The following SLC39A14 variants were observed in gnomAD, a reference collection of about 807,000 sequenced individuals.
The protein encoded by SLC39A14 is solute carrier family 39 member 14, also known as metal cation symporter ZIP14.
In SLC39A14, 19 loss-of-function variants were observed where a neutral mutation model predicts 45.5. The observed-to-expected ratio is 0.42, with a 90% CI of 0.29 to 0.61. SLC39A14 has a LOEUF of 0.61. Ranked by LOEUF, SLC39A14 falls within the 20% of genes least tolerant of loss-of-function variation. The pLI is 0.22. For missense variants in SLC39A14, 447 were observed against 616.5 expected (o/e 0.73, Z 2.91); for synonymous variants, 264 against 251.3 (o/e 1.05, Z -0.48).
intron 2 of SLC39A14, among the ~76,000 whole-genome samples, chr8:22,405,782 G>GCAGAGA (rs2132313935): frequency 6.6e-6 from 1 of 152,026 alleles, no homozygotes; most frequent in African/African-American, 2.4e-5. Flanking sequence ...GGGCTGGAAC[G>GCAGAGA]CCAGGTCTTT....
intron 1 of SLC39A14, among the ~76,000 whole-genome samples, chr8:22,384,742 C>CT (rs1833694636): frequency 3.6e-5 from 2 of 56,184 alleles, no homozygotes; most frequent in Admixed American, 2.0e-4. Context: ...GTGAGACTGT[C>CT]TTAAAAAAAA....
Position 22,422,630 on chromosome 8 carries a change from A to C in SLC39A14, c.*2932A>C. On this transcript the variant is annotated 3_prime_UTR_variant, in exon 9 of 9. Coordinates refer to ENST00000381237, the MANE Select transcript of SLC39A14 (RefSeq NM_001128431.4). ...AAGAAAATTAACTTATGTGGACTGT[A>C]AATGTTTTATTTGTAAGATTCTATA... The C allele has an allele frequency of 1.0e-6, 1 of 982,358 alleles. No homozygotes were observed. Among genetic ancestry groups the C allele is most frequent in the Non-Finnish European group, 1.2e-6 (1 of 827,014 alleles). 60.9% of individuals were successfully genotyped at this position (982,358 alleles called of 1,614,324 possible).
chr8:22,410,010 C>A (rs1336569142), intron 3 of SLC39A14: 19 of 1,614,052 alleles, frequency 1.2e-5, no homozygotes, highest in Non-Finnish European at 1.6e-5. Flanking sequence ...GAGTCCTCGT[C>A]CTGCCCTGCA....
At chr8:22,422,839 T>C (rs576560029), downstream of SLC39A14, 62 of 431,760 alleles carry the variant, frequency 1.4e-4, no homozygotes, top group African/African-American at 1.2e-3. Flanking sequence ...GTTGTTGTTA[T>C]TGAGACAGAG....
chr8:22,388,883 A>C (rs375971282), intron 1 of SLC39A14, among the ~76,000 whole-genome samples: 1 of 124,540 alleles, frequency 8.0e-6, no homozygotes, highest in Non-Finnish European at 1.7e-5. Context: ...CCTTTCTTTC[A>C]GTAACCCTCT....
In SLC39A14 at chr8:22,404,917, G is replaced by A. The variant is rs1835122621; in HGVS notation, c.207G>A (p.Leu69=). 3 of 1,614,072 alleles carry A rather than the reference G, an allele frequency of 1.9e-6. No individual in the cohort carries two copies. Among genetic ancestry groups the A allele is most frequent in the African/African-American group, 2.7e-5 (2 of 74,934 alleles). Residue 69 remains leucine, a synonymous_variant, in exon 2 of 9, where the codon CTG becomes CTA. Coordinates refer to ENST00000381237, the MANE Select transcript of SLC39A14 (RefSeq NM_001128431.4). ...LQQLKALLNH[L]DVGVGRGNVT... is the part of the protein sequence containing the mutation. ...AGCTGAAGGCCCTACTCAACCACCT[G>A]GATGTGGGAGTGGGCCGGGGTAATG...
chr8:22,426,402 G>A (rs1043303628), downstream of SLC39A14, among the ~76,000 whole-genome samples: 14 of 151,292 alleles, frequency 9.3e-5, no homozygotes, highest in Non-Finnish European at 1.3e-4. Flanking sequence ...TAAGTTGCCC[G>A]GGCTGGTCTC....
At chr8:22,394,528 C>T (rs948221417) in intron 1 of SLC39A14, among the ~76,000 whole-genome samples, 1 of 151,744 alleles carries the variant, frequency 6.6e-6, no homozygotes, top group Non-Finnish European at 1.5e-5. Flanking sequence ...ATCGTGTTAG[C>T]CAGGATGGTC....
intron 5 of SLC39A14, 64 bp from the exon 6 acceptor site, chr8:22,415,705 G>A (rs1378857949): frequency 6.7e-7 from 1 of 1,488,108 alleles, no homozygotes; most frequent in African/African-American, 1.4e-5. Flanking sequence ...CCTTGGAGCA[G>A]GTGCTCAATC....
At chr8:22,382,156 A>G (rs11136018) in intron 1 of SLC39A14, among the ~76,000 whole-genome samples, 24,679 of 152,160 alleles carry the variant, frequency 0.16, 2,051 homozygotes, top group East Asian at 0.25. Flanking sequence ...ACAACAACCA[A>G]AAAAAACAGG....
In SLC39A14 at chr8:22,415,952, G is replaced by C. The variant is rs1474468536; in HGVS notation, c.934G>C (p.Val312Leu). The C allele has an allele frequency of 6.2e-7, 1 of 1,603,256 alleles. No homozygotes were observed. The highest frequency in any genetic ancestry group is 8.5e-7 in the Non-Finnish European group (1 of 1,172,882). The stretch of plus-strand genomic sequence containing the variant: ...GAAGGTCATTGTGGGCTCGCTCTCT[G>C]TGCAGGTCAGTGGGCCACCAGCTGC... ...DEKVIVGSLSVQDLQASQSAC... is the reference protein window; with the variant it reads ...DEKVIVGSLSLQDLQASQSAC... Residue 312 changes from valine (V) to leucine (L), a missense_variant, in exon 6 of 9, where the codon GTG (valine) becomes CTG (leucine). Val to Leu is a conservative substitution (Grantham distance 32). Coordinates refer to ENST00000381237, the MANE Select transcript of SLC39A14 (RefSeq NM_001128431.4).
At position 22,419,581 on chromosome 8, in the gene SLC39A14, G is replaced by A. The variant is rs1836104384; in HGVS notation, c.1362G>A (p.Glu454=). Residue 454 remains glutamate, a synonymous_variant, in exon 9 of 9, where the codon GAG becomes GAA. Coordinates refer to ENST00000381237, the MANE Select transcript of SLC39A14 (RefSeq NM_001128431.4). ...CTGAGATGAATGAGGTCTGTCAAGAGGATGAAAGGAAGGGCAGCATCTTGA... is the reference window on the plus strand; with the variant it reads ...CTGAGATGAATGAGGTCTGTCAAGAAGATGAAAGGAAGGGCAGCATCTTGA... ...MFPEMNEVCQ[E]DERKGSILIP... The A allele has an allele frequency of 1.2e-6, 2 of 1,613,834 alleles. No homozygotes were observed. Among genetic ancestry groups the A allele is most frequent in the Non-Finnish European group, 1.7e-6 (2 of 1,179,944 alleles).
At chr8:22,387,593 T>C (rs945502985) in intron 1 of SLC39A14, among the ~76,000 whole-genome samples, 1 of 152,220 alleles carries the variant, frequency 6.6e-6, no homozygotes, top group African/African-American at 2.4e-5. Flanking sequence ...AGTGCCACCA[T>C]ACCCCCTGCC....
chr8:22,371,348 A>G (rs1055067680), intron 1 of SLC39A14, among the ~76,000 whole-genome samples: 2 of 150,550 alleles, frequency 1.3e-5, no homozygotes, highest in African/African-American at 2.4e-5. Context: ...TAGGCAGTGC[A>G]TTCAGTATTA....
intron 1 of SLC39A14, among the ~76,000 whole-genome samples, chr8:22,403,340 C>T (rs1020045222): frequency 2.6e-4 from 39 of 150,974 alleles, no homozygotes; most frequent in African/African-American, 9.3e-4. Flanking sequence ...AGTGCAATGG[C>T]GCGATCTTGG....
chr8:22,390,457 A>C (rs2006864), intron 1 of SLC39A14: 88,436 of 151,642 alleles, frequency 0.58, 27,066 homozygotes, highest in African/African-American at 0.78. Context: ...AGGCACACAC[A>C]ACCATGCCCG....
At chr8:22,418,543 A>AT (rs538719656) in intron 8 of SLC39A14, among the ~76,000 whole-genome samples, 282 of 145,640 alleles carry the variant, frequency 1.9e-3, no homozygotes, top group African/African-American at 4.7e-3. Context: ...TTTTTCTTTA[A>AT]TTTTTTTTTT....
chr8:22,404,252 G>C lies in SLC39A14; in HGVS notation c.-15-444G>C, dbSNP rs540814783. 2.0e-5 allele frequency among the ~76,000 whole-genome samples: 3 copies of C among 151,984 alleles called. No individual in the cohort carries two copies. The South Asian group carries it at 6.2e-4, about 32-fold the overall frequency. On this transcript the variant is annotated intron_variant, in intron 1 of 8. Transcript: ENST00000381237. Reference sequence around the variant, plus strand: ...CAGCCTGGCCAACATGATGAAACCCGATCTCTACTAAATATAGAAAAAAAT... The same window carrying C: ...CAGCCTGGCCAACATGATGAAACCCCATCTCTACTAAATATAGAAAAAAAT...
chr8:22,420,156 A>G lies in SLC39A14; in HGVS notation c.*458A>G. Reference sequence around the variant, plus strand: ...GGGCACCTTGGACCTCCAGCTGGCCAATAGAAGAGACAGGAGACAGGAAGC... The same window carrying G: ...GGGCACCTTGGACCTCCAGCTGGCCGATAGAAGAGACAGGAGACAGGAAGC... On this transcript the variant is annotated 3_prime_UTR_variant, in exon 9 of 9. Coordinates refer to ENST00000381237, the MANE Select transcript of SLC39A14 (RefSeq NM_001128431.4). 1 of 986,446 alleles carries G rather than the reference A, an allele frequency of 1.0e-6. No individual in the cohort carries two copies. The highest frequency in any genetic ancestry group is 1.2e-6 in the Non-Finnish European group (1 of 830,720). The allele number at this position is 986,446 out of a possible 1,614,324, so 61.1% of individuals were successfully genotyped here. A position where few individuals can be genotyped will look rare whatever the true frequency, so the allele number is the denominator to read the frequency against.
Sources: gnomAD v4.1 joint callset for allele counts (sites outside exome capture counted in the v4.1 genomes callset) on GRCh38, gnomAD v4.1.1 for gene constraint, MANE v1.5 for transcripts, NCBI Gene and HGNC (gene_info 2026-07-23, HGNC 2026-07-21) for gene names.